The following DISC1 variants were observed in gnomAD, a reference collection of about 807,000 sequenced individuals.
DISC1 encodes the protein disrupted in schizophrenia 1 protein.
DISC1 carries 57 observed loss-of-function variants against 84.5 expected under a neutral mutation model. That is an observed-to-expected ratio of 0.67 (90% CI 0.55 to 0.84). The LOEUF is 0.84. Among genes scored for constraint, DISC1 ranks in the 40% least tolerant of loss-of-function variants. The pLI, the probability that DISC1 is intolerant of heterozygous loss-of-function variation, is 0.00. For synonymous variants in DISC1, 411 were observed against 415.2 expected, an observed-to-expected ratio of 0.99 and a Z score of 0.12; for missense variants, 1,000 against 1,057.8, an observed-to-expected ratio of 0.95 and a Z score of 0.76.
chr1:231,686,327 C>G (rs932136742), intron 1 of DISC1, among the ~76,000 whole-genome samples: 1 of 152,262 alleles, frequency 6.6e-6, no homozygotes, highest in African/African-American at 2.4e-5. Context: ...AAACTTCTGC[C>G]TGGGCATCCA....
intron 9 of DISC1, among the ~76,000 whole-genome samples, chr1:231,892,960 A>T (rs2087367060): frequency 1.3e-5 from 2 of 152,064 alleles, no homozygotes; most frequent in South Asian, 4.1e-4. Context: ...TCAGGAGTTC[A>T]AGACTAGCCT....
intron 9 of DISC1, among the ~76,000 whole-genome samples, chr1:231,949,595 G>C (rs1657943061): frequency 6.6e-6 from 1 of 152,080 alleles, no homozygotes; most frequent in South Asian, 2.1e-4. Flanking sequence ...GTTGAGGAGG[G>C]CACCTCCAGC....
chr1:231,924,236 G>A (rs529594021), intron 9 of DISC1, among the ~76,000 whole-genome samples: 1 of 152,328 alleles, frequency 6.6e-6, no homozygotes, highest in African/African-American at 2.4e-5. Context: ...CTCCTTTGCG[G>A]GTCCCATCTG....
chr1:231,828,693 T>C (rs74144144), intron 9 of DISC1, among the ~76,000 whole-genome samples: 1,811 of 152,348 alleles, frequency 0.012, 33 homozygotes, highest in African/African-American at 0.041. Flanking sequence ...TGCATTTTTT[T>C]GCATTATCTT....
rs1281361849 is a variant in DISC1 at position 231,911,925 on chromosome 1, TC to T, written c.1982-46902del. On this transcript the variant is annotated intron_variant, in intron 9 of 12. Coordinates refer to ENST00000439617, the MANE Select transcript of DISC1 (RefSeq NM_018662.3). ...CTTATCGCTTCATTTCATTCATTGA[TC>T]TTCAATCACTGATACCCTTTCTTCC... Among the ~76,000 whole-genome samples the T allele has an allele frequency of 4.6e-5, 7 of 152,286 alleles. No homozygotes were observed. In the East Asian group the frequency reaches 5.8e-4, roughly 13 times the overall value.
chr1:231,785,257 T>TA (rs2077755568), intron 6 of DISC1, among the ~76,000 whole-genome samples: 2 of 104,830 alleles, frequency 1.9e-5, no homozygotes, highest in African/African-American at 6.4e-5. Context: ...GTGTGTGTTA[T>TA]TTTATTTATT....
At chr1:231,663,029 G>C (rs112756017) in intron 1 of DISC1, among the ~76,000 whole-genome samples, 7 of 151,292 alleles carry the variant, frequency 4.6e-5, no homozygotes, top group Non-Finnish European at 1.0e-4. Context: ...AAAACGTCCA[G>C]TCAAAAGCAT....
At chr1:231,660,458 G>GC (rs1382643978) in intron 1 of DISC1, among the ~76,000 whole-genome samples, 1 of 151,278 alleles carries the variant, frequency 6.6e-6, no homozygotes. Context: ...GGGGCATTTA[G>GC]CCCAAAAAAA....
intron 7 of DISC1, among the ~76,000 whole-genome samples, chr1:231,799,307 G>C (rs1003585894): frequency 6.6e-6 from 1 of 152,084 alleles, no homozygotes; most frequent in Non-Finnish European, 1.5e-5. Flanking sequence ...TCCCTAAACA[G>C]TGTCTATTAA....
chr1:231,871,449 C>T (rs564058790), intron 9 of DISC1, among the ~76,000 whole-genome samples: 7 of 152,302 alleles, frequency 4.6e-5, no homozygotes, highest in East Asian at 1.9e-4. Context: ...CACAGCCACA[C>T]GCTCTTCTGC....
chr1:231,722,921 G>T (rs921181117), intron 3 of DISC1: 105 of 1,274,986 alleles, frequency 8.2e-5, no homozygotes, highest in Admixed American at 1.4e-4. Flanking sequence ...TTTTTGTAGG[G>T]GGGAGAAACC....
At chr1:231,971,516 T>C (rs1661950626) in intron 10 of DISC1, among the ~76,000 whole-genome samples, 1 of 152,190 alleles carries the variant, frequency 6.6e-6, no homozygotes, top group Non-Finnish European at 1.5e-5. Context: ...CATGCAACAT[T>C]TTCTATGATT....
In DISC1 at chr1:231,886,758, CCTTCCTTCCTTT is replaced by C. The variant is rs1331943677; in HGVS notation, c.1981+68245_1981+68256del. Among the ~76,000 whole-genome samples, 57 of 95,832 alleles carry C rather than the reference CCTTCCTTCCTTT, an allele frequency of 5.9e-4. 3 individuals are homozygous for C. The South Asian group carries it at 9.1e-3, about 15-fold the overall frequency. 62.9% of individuals were successfully genotyped at this position (95,832 alleles called of 152,430 possible). A position where few individuals can be genotyped will look rare whatever the true frequency, so the allele number is the denominator to read the frequency against. ...CTTTCTTTCTCTTTCTTCCTTTCTT[CCTTCCTTCCTTT>C]CTTTCTTTCTTTCTTTCTTTCTTTC... On this transcript the variant is annotated intron_variant, in intron 9 of 12. Transcript: ENST00000439617.
Position 232,031,239 on chromosome 1 carries a change from G to GGA in DISC1, c.2425+4687_2425+4688insGA, listed in dbSNP as rs1670002256. 6.8e-6 allele frequency among the ~76,000 whole-genome samples: 1 copy of GGA among 147,162 alleles called. No homozygotes were observed. The highest frequency in any genetic ancestry group is 1.5e-5 in the Non-Finnish European group (1 of 66,716). On this transcript the variant is annotated intron_variant, in intron 12 of 12. Transcript: ENST00000439617. The surrounding 1 kb of genome is among the most constrained non-coding windows in gnomAD (Gnocchi z 4.6). ...GAAGGGAGAAAGAGAGAGAGAAAGA[G>GGA]AGGAAGGAAGGAAGGAGAAAGAAAG...
At chr1:232,011,939 G>T (rs1668055767) in intron 11 of DISC1, among the ~76,000 whole-genome samples, 1 of 152,114 alleles carries the variant, frequency 6.6e-6, no homozygotes, top group East Asian at 1.9e-4. Context: ...CCTCTTACAG[G>T]CCGCATCTCC....
At chr1:231,947,075 T>C (rs1459391391) in intron 9 of DISC1, among the ~76,000 whole-genome samples, 3 of 152,206 alleles carry the variant, frequency 2.0e-5, no homozygotes, top group South Asian at 4.1e-4. Flanking sequence ...AAGCTACCAC[T>C]GACTTTCTTC....
At chr1:231,792,782 T>A (rs1325982037) in intron 6 of DISC1, among the ~76,000 whole-genome samples, 1 of 152,212 alleles carries the variant, frequency 6.6e-6, no homozygotes, top group Non-Finnish European at 1.5e-5. Context: ...ACACTCTGAC[T>A]TATGTTCTCT....
chr1:231,886,320 T>C (rs2086677753), intron 9 of DISC1, among the ~76,000 whole-genome samples: 1 of 152,242 alleles, frequency 6.6e-6, no homozygotes, highest in African/African-American at 2.4e-5. Context: ...TTCCTCTTTA[T>C]GGTTTGCTAG....
intron 3 of DISC1, among the ~76,000 whole-genome samples, chr1:231,744,289 G>GT (rs2073710888): frequency 1.3e-5 from 2 of 152,178 alleles, no homozygotes; most frequent in South Asian, 4.1e-4. Flanking sequence ...CACTGCCCCA[G>GT]GGTGAAGAGG....
Sources: gnomAD v4.1 joint callset for allele counts (sites outside exome capture counted in the v4.1 genomes callset) on GRCh38, gnomAD v4.1.1 for gene constraint, Gnocchi (gnomAD v3.1) non-coding constraint, MANE v1.5 for transcripts, NCBI Gene and HGNC (gene_info 2026-07-23, HGNC 2026-07-21) for gene names.